Variants in IL26 observed in about 807,000 individuals in gnomAD.
IL26 encodes interleukin 26, also known as interleukin-26.
In IL26, 23 loss-of-function variants were observed where a neutral mutation model predicts 21.7. The observed-to-expected ratio is 1.06, with a 90% CI of 0.76 to 1.50. The LOEUF is 1.50. Ranked by LOEUF, IL26 falls within the 40% of genes most tolerant of loss-of-function variation. The pLI is 0.00. For missense variants in IL26, 204 were observed against 196.0 expected (o/e 1.04, Z -0.24); for synonymous variants, 63 against 67.8 (o/e 0.93, Z 0.34).
intron 3 of IL26, 104 bp from the exon 4 acceptor site, chr12:68,202,187 C>T: frequency 1.5e-6 from 1 of 665,230 alleles, no homozygotes; most frequent in Non-Finnish European, 2.5e-6. Context: ...ATGTGCTGAG[C>T]ACTAGATATG....
intron 3 of IL26, among the ~76,000 whole-genome samples, chr12:68,219,109 A>C (rs1275848108): frequency 6.6e-6 from 1 of 151,974 alleles, no homozygotes; most frequent in African/African-American, 2.4e-5. Context: ...TGTCAGAGAT[A>C]CCAATAATTG....
chr12:68,217,641 ATCTAGACAATAATTG>A (rs1868922867), intron 3 of IL26, among the ~76,000 whole-genome samples: 1 of 152,164 alleles, frequency 6.6e-6, no homozygotes, highest in Non-Finnish European at 1.5e-5. Flanking sequence ...GAATTAACGG[ATCTAGACAATAATTG>A]TCAGGGGTTG....
chr12:68,218,911 A>G (rs1366729693), intron 3 of IL26, among the ~76,000 whole-genome samples: 2 of 152,018 alleles, frequency 1.3e-5, no homozygotes, highest in African/African-American at 2.4e-5. Context: ...ATTAGCATCA[A>G]AAAAGAAGTG....
At chr12:68,214,050 T>A (rs1235114953) in intron 3 of IL26, among the ~76,000 whole-genome samples, 2 of 152,164 alleles carry the variant, frequency 1.3e-5, no homozygotes, top group Middle Eastern at 3.2e-3. Context: ...TGGTATATTG[T>A]GTTTCCACTT....
chr12:68,219,919 A>G (rs1391842280), intron 3 of IL26, among the ~76,000 whole-genome samples: 1 of 152,086 alleles, frequency 6.6e-6, no homozygotes, highest in Non-Finnish European at 1.5e-5. Flanking sequence ...AAAGCATATT[A>G]AGGAAATATC....
intron 3 of IL26, among the ~76,000 whole-genome samples, chr12:68,207,092 G>A (rs1215621923): frequency 6.6e-6 from 1 of 152,146 alleles, no homozygotes; most frequent in East Asian, 1.9e-4. Context: ...TTTTCAATAG[G>A]AGATTTTTAA....
chr12:68,217,672 A>G (rs1226910601), intron 3 of IL26, among the ~76,000 whole-genome samples: 1 of 152,176 alleles, frequency 6.6e-6, no homozygotes, highest in African/African-American at 2.4e-5. Context: ...GGTTGTTATC[A>G]TCGTAAAAAT....
At chr12:68,218,244 A>C (rs1179509726) in intron 3 of IL26, among the ~76,000 whole-genome samples, 1 of 150,026 alleles carries the variant, frequency 6.7e-6, no homozygotes, top group Middle Eastern at 3.5e-3. Context: ...AGGGAAAAAA[A>C]TCAATCAATT....
Position 68,201,794 on chromosome 12 carries a change from G to C in IL26, c.*51C>G, listed in dbSNP as rs753369298. The C allele has an allele frequency of 8.0e-7, 1 of 1,252,002 alleles. No homozygotes were observed. 77.6% of individuals were successfully genotyped at this position (1,252,002 alleles called of 1,614,324 possible). A position where few individuals can be genotyped will look rare whatever the true frequency, so the allele number is the denominator to read the frequency against. ...GACTGTTATAAACATATTTCTAGCA[G>C]TTCTTATTGTATTTCAAAATAACTG... On this transcript the variant is annotated 3_prime_UTR_variant, in exon 5 of 5. Coordinates refer to ENST00000229134, the MANE Select transcript of IL26 (RefSeq NM_018402.2).
intron 3 of IL26, among the ~76,000 whole-genome samples, chr12:68,207,763 G>A (rs1868583328): frequency 6.6e-6 from 1 of 152,192 alleles, no homozygotes; most frequent in Admixed American, 6.5e-5. Context: ...CAAACCAAAT[G>A]GCTCCATATA....
intron 3 of IL26, among the ~76,000 whole-genome samples, chr12:68,211,737 T>C (rs915440311): frequency 6.6e-6 from 1 of 152,182 alleles, no homozygotes; most frequent in African/African-American, 2.4e-5. Context: ...TATTTGCTTT[T>C]TGCTATTGAG....
intron 3 of IL26, among the ~76,000 whole-genome samples, chr12:68,204,141 A>ATTTTTTTTTTTTTTTTTTTTTGTTTTT (rs6144754): frequency 8.8e-6 from 1 of 113,216 alleles, no homozygotes; most frequent in Non-Finnish European, 1.8e-5. Flanking sequence ...GGATTCAAAG[A>ATTTTTTTTTTTTTTTTTTTTTGTTTTT]TTTTTTTTTT....
intron 3 of IL26, among the ~76,000 whole-genome samples, chr12:68,202,319 A>C (rs1037881936): frequency 3.3e-5 from 5 of 152,186 alleles, no homozygotes; most frequent in African/African-American, 1.2e-4. Context: ...TGTGTTAGCA[A>C]CTCTCGAAAC....
intron 3 of IL26, among the ~76,000 whole-genome samples, chr12:68,220,770 G>A (rs1182299011): frequency 6.6e-6 from 1 of 152,168 alleles, no homozygotes; most frequent in Non-Finnish European, 1.5e-5. Context: ...CCGAGTAGCT[G>A]GGACTACAGG....
At chr12:68,224,929 G>A (rs1869193469) in intron 3 of IL26, among the ~76,000 whole-genome samples, 1 of 152,150 alleles carries the variant, frequency 6.6e-6, no homozygotes, top group African/African-American at 2.4e-5. Context: ...TCTTCAGTGT[G>A]TTTTATGAGC....
At chr12:68,212,164 C>G (rs1057445483) in intron 3 of IL26, among the ~76,000 whole-genome samples, 1 of 151,966 alleles carries the variant, frequency 6.6e-6, no homozygotes, top group Non-Finnish European at 1.5e-5. Context: ...ATTCTTGGCA[C>G]CTTTGTCAAA....
At chr12:68,209,209 G>C (rs1184501216) in intron 3 of IL26, among the ~76,000 whole-genome samples, 1 of 152,216 alleles carries the variant, frequency 6.6e-6, no homozygotes, top group African/African-American at 2.4e-5. Context: ...GTCCAGTGGA[G>C]TCAAAGGAAT....
At chr12:68,214,130 A>G (rs1868808904) in intron 3 of IL26, among the ~76,000 whole-genome samples, 2 of 152,272 alleles carry the variant, frequency 1.3e-5, no homozygotes, top group South Asian at 4.1e-4. Flanking sequence ...GCTCAGGAGC[A>G]TATTATTTAA....
intron 3 of IL26, among the ~76,000 whole-genome samples, chr12:68,212,397 T>A (rs972547554): frequency 2.6e-5 from 4 of 152,114 alleles, no homozygotes; most frequent in African/African-American, 9.7e-5. Flanking sequence ...TCCATGTAAA[T>A]TTTACCATGT....
Sources: gnomAD v4.1 joint callset for allele counts (sites outside exome capture counted in the v4.1 genomes callset) on GRCh38, gnomAD v4.1.1 for gene constraint, MANE v1.5 for transcripts, NCBI Gene and HGNC (gene_info 2026-07-23, HGNC 2026-07-21) for gene names.